RFTN2: variants seen among roughly 807,000 people sequenced by gnomAD.
RFTN2 encodes the protein raftlin family member 2.
RFTN2 carries 34 observed loss-of-function variants against 52.7 expected under a neutral mutation model. The ratio of observed to expected loss-of-function variants is 0.64; its 90% CI spans 0.49 to 0.86. The LOEUF is 0.86. RFTN2 is among the 40% of genes least tolerant of loss of function. RFTN2 has a pLI of 0.00. For missense variants in RFTN2, 536 were observed against 600.1 expected, an observed-to-expected ratio of 0.89 and a Z score of 1.12; for synonymous variants, 203 against 217.7, an observed-to-expected ratio of 0.93 and a Z score of 0.59.
intron 7 of RFTN2, among the ~76,000 whole-genome samples, chr2:197,602,657 G>A (rs1173725585): frequency 6.6e-6 from 1 of 151,908 alleles, no homozygotes; most frequent in Non-Finnish European, 1.5e-5. Context: ...TCCTGCCTTA[G>A]CCTCCTGAGT....
chr2:197,634,757 T>G (rs980718372), intron 3 of RFTN2, among the ~76,000 whole-genome samples: 1 of 151,978 alleles, frequency 6.6e-6, no homozygotes, highest in African/African-American at 2.4e-5. Context: ...TTATTATACT[T>G]TAAGTTTTAG....
At chr2:197,589,343 G>A (rs1328503724) in intron 8 of RFTN2, among the ~76,000 whole-genome samples, 1 of 150,894 alleles carries the variant, frequency 6.6e-6, no homozygotes, top group African/African-American at 2.4e-5. Context: ...CCATGATTGT[G>A]AGGCCTCCTC....
In RFTN2 at chr2:197,660,675, C is replaced by T. The variant is rs1216098043; in HGVS notation, c.140-14009G>A. ...GGTTCAAGTGATTCTCGTGTCTCAG[C>T]CACCCGAGTAGCTGGGATTACAGGT... On this transcript the variant is annotated intron_variant, in intron 1 of 8. Coordinates refer to ENST00000295049, the MANE Select transcript of RFTN2 (RefSeq NM_144629.3). Among the ~76,000 whole-genome samples, 4 of 151,864 alleles carry T rather than the reference C, an allele frequency of 2.6e-5. No individual in the cohort carries two copies. In the East Asian group the frequency reaches 7.7e-4, roughly 29 times the overall value.
rs114253253 is a variant in RFTN2 at position 197,601,567 on chromosome 2, A to C, written c.1155-5498T>G. The stretch of plus-strand genomic sequence containing the variant: ...TCTACAATACTGCATTAGCTCTACA[A>C]GCAAATGTAGAGTGACTACATTTGC... On this transcript the variant is annotated intron_variant, in intron 7 of 8. Transcript: ENST00000295049. Among the ~76,000 whole-genome samples the C allele has an allele frequency of 2.4e-3, 359 of 152,052 alleles. 1 individual carries two copies. Among genetic ancestry groups the C allele is most frequent in the African/African-American group, 7.6e-3 (316 of 41,518 alleles).
At chr2:197,597,391 A>G (rs2087808611) in intron 7 of RFTN2, among the ~76,000 whole-genome samples, 1 of 152,230 alleles carries the variant, frequency 6.6e-6, no homozygotes, top group African/African-American at 2.4e-5. Context: ...TTTTGGGAGC[A>G]TGAAGTGTGC....
rs759477648 is a variant in RFTN2, at chr2:197,675,428, G to GGTCTTC, written c.25_30dup (p.Glu9_Asp10dup). On this transcript the variant is annotated inframe_insertion, in exon 1 of 9. Transcript: ENST00000295049. ...ATTTTTCCAGGGCTGCTATCATCAG[G>GGTCTTC]GTCTTCTAGCTTTCTAAGTCCGCAC... is the stretch of plus-strand genomic sequence containing the variant. 6 of 1,597,394 alleles carry GGTCTTC rather than the reference G, an allele frequency of 3.8e-6. No individual in the cohort carries two copies.
At chr2:197,665,496 CTTTATCA>C (rs2089038860) in intron 1 of RFTN2, among the ~76,000 whole-genome samples, 1 of 66,900 alleles carries the variant, frequency 1.5e-5, no homozygotes, top group African/African-American at 7.0e-5. Context: ...GGATTGATTC[CTTTATCA>C]TTATGTACCT....
chr2:197,649,476 A>G (rs1362434762), intron 1 of RFTN2, among the ~76,000 whole-genome samples: 1 of 152,260 alleles, frequency 6.6e-6, no homozygotes, highest in East Asian at 1.9e-4. Flanking sequence ...TGTACCACAA[A>G]TAATGATTTA....
At chr2:197,574,436 T>C (rs2087378571) in intron 8 of RFTN2, among the ~76,000 whole-genome samples, 1 of 152,172 alleles carries the variant, frequency 6.6e-6, no homozygotes, top group Non-Finnish European at 1.5e-5. Flanking sequence ...ATAGATGTAT[T>C]TACCCAATGC....
chr2:197,647,014 T>C (rs1416116117), intron 1 of RFTN2, among the ~76,000 whole-genome samples: 1 of 152,056 alleles, frequency 6.6e-6, no homozygotes, highest in Non-Finnish European at 1.5e-5. Flanking sequence ...CCTTACAAAT[T>C]AGTAGATACA....
chr2:197,591,916 G>A (rs902119403), intron 8 of RFTN2, among the ~76,000 whole-genome samples: 3 of 148,894 alleles, frequency 2.0e-5, no homozygotes, highest in African/African-American at 4.9e-5. Context: ...TTCCTGCCCC[G>A]TGCCTCTCCC....
At chr2:197,629,730 TA>T (rs1358866038) in intron 5 of RFTN2, among the ~76,000 whole-genome samples, 2 of 151,514 alleles carry the variant, frequency 1.3e-5, no homozygotes, top group African/African-American at 4.9e-5. Context: ...TATTTTATTT[TA>T]TTTTTTTTTG....
At chr2:197,620,280 G>A (rs1284711512) in intron 5 of RFTN2, among the ~76,000 whole-genome samples, 1 of 152,034 alleles carries the variant, frequency 6.6e-6, no homozygotes, top group African/African-American at 2.4e-5. Context: ...TTAAGGGAGG[G>A]CCTCTCTGAC....
intron 5 of RFTN2, among the ~76,000 whole-genome samples, chr2:197,626,001 C>A (rs1256405288): frequency 6.6e-6 from 1 of 152,060 alleles, no homozygotes; most frequent in African/African-American, 2.4e-5. Flanking sequence ...GTTGGCCAGG[C>A]TAGTCTTGAA....
chr2:197,612,651 CAAT>C (rs977706668), intron 7 of RFTN2, among the ~76,000 whole-genome samples: 1 of 152,196 alleles, frequency 6.6e-6, no homozygotes, highest in East Asian at 1.9e-4. Flanking sequence ...GGACCAACAA[CAAT>C]AACTCTGGAA....
At chr2:197,619,451 C>T (rs1313672230) in intron 5 of RFTN2, among the ~76,000 whole-genome samples, 2 of 152,104 alleles carry the variant, frequency 1.3e-5, no homozygotes, top group East Asian at 3.8e-4. Flanking sequence ...ACCCCCAACC[C>T]TGTGCTCTCT....
intron 1 of RFTN2, among the ~76,000 whole-genome samples, chr2:197,654,061 G>A (rs2106259865): frequency 6.6e-6 from 1 of 152,314 alleles, no homozygotes; most frequent in Non-Finnish European, 1.5e-5. Flanking sequence ...GCTAGATAAT[G>A]TTATTTGCCA....
rs115792445 is a variant in RFTN2 at position 197,613,912 on chromosome 2, G to T, written c.1154+1964C>A. Among the ~76,000 whole-genome samples, 1,194 of 152,332 alleles carry T rather than the reference G, an allele frequency of 7.8e-3. 13 individuals carry two copies. Among genetic ancestry groups the T allele is most frequent in the African/African-American group, 0.027 (1,116 of 41,568 alleles). ...ACATTTTTCTGCTATCTTCTATACA[G>T]AGTTAGTAGCATCTTCCTAAATGGA... On this transcript the variant is annotated intron_variant, in intron 7 of 8. Transcript: ENST00000295049.
intron 8 of RFTN2, among the ~76,000 whole-genome samples, chr2:197,590,996 C>G (rs1352167759): frequency 6.6e-6 from 1 of 152,090 alleles, no homozygotes; most frequent in Non-Finnish European, 1.5e-5. Context: ...ATTCTCTTAT[C>G]TGGCCCCACC....
Sources: gnomAD v4.1 joint callset for allele counts (sites outside exome capture counted in the v4.1 genomes callset) on GRCh38, gnomAD v4.1.1 for gene constraint, MANE v1.5 for transcripts, NCBI Gene and HGNC (gene_info 2026-07-23, HGNC 2026-07-21) for gene names.